Variants in HS3ST4 observed in about 807,000 individuals in gnomAD.
HS3ST4 encodes heparan sulfate-glucosamine 3-sulfotransferase 4, also known as heparan sulfate glucosamine 3-O-sulfotransferase 4.
In HS3ST4, 17 loss-of-function variants were observed where a neutral mutation model predicts 29.2. The observed-to-expected ratio is 0.58, with a 90% CI of 0.40 to 0.87. The LOEUF (loss-of-function observed/expected upper bound fraction) is 0.87. Ranked by LOEUF, HS3ST4 falls within the 40% of genes least tolerant of loss-of-function variation. The pLI, the probability that HS3ST4 is intolerant of heterozygous loss-of-function variation, is 0.00. For missense variants in HS3ST4, 627 were observed against 634.5 expected (o/e 0.99, Z 0.13); for synonymous variants, 314 against 285.7 (o/e 1.10, Z -1.00).
chr16:25,949,871 G>A (rs1029902320), intron 1 of HS3ST4, among the ~76,000 whole-genome samples: 13 of 152,098 alleles, frequency 8.5e-5, no homozygotes, highest in African/African-American at 3.1e-4. Flanking sequence ...CAAGGACAGA[G>A]CCCCAAGGGA....
chr16:26,072,563 C>T (rs1481892232), intron 1 of HS3ST4, among the ~76,000 whole-genome samples: 2 of 152,128 alleles, frequency 1.3e-5, no homozygotes, highest in African/African-American at 4.8e-5. Context: ...AGTGCAGTGG[C>T]TAAAGGTGTG....
intron 1 of HS3ST4, among the ~76,000 whole-genome samples, chr16:25,831,374 C>A (rs1157809644): frequency 6.8e-6 from 1 of 147,168 alleles, no homozygotes; most frequent in East Asian, 2.0e-4. Context: ...CCAGCCTGGG[C>A]AACATAATGA....
At chr16:26,112,399 T>TTTG (rs1899144383) in intron 1 of HS3ST4, among the ~76,000 whole-genome samples, 1 of 143,140 alleles carries the variant, frequency 7.0e-6, no homozygotes, top group Non-Finnish European at 1.5e-5. Context: ...TTTTTTTTTT[T>TTTG]TGAGACGGAA....
intron 1 of HS3ST4, among the ~76,000 whole-genome samples, chr16:25,815,545 A>G (rs369992213): frequency 3.9e-5 from 6 of 152,118 alleles, no homozygotes; most frequent in African/African-American, 1.4e-4. Context: ...GCTAGTCTCG[A>G]ACTCCTGACC....
intron 1 of HS3ST4, among the ~76,000 whole-genome samples, chr16:25,920,597 C>G (rs1222139712): frequency 2.4e-5 from 2 of 83,868 alleles, no homozygotes; most frequent in East Asian, 1.1e-3. Flanking sequence ...CTCACTGCCG[C>G]CCCCACCCCT....
At chr16:25,821,357 T>C (rs1967154185) in intron 1 of HS3ST4, among the ~76,000 whole-genome samples, 1 of 152,168 alleles carries the variant, frequency 6.6e-6, no homozygotes, top group Admixed American at 6.5e-5. Context: ...CTGTTATCAC[T>C]CATTTGATTA....
chr16:25,991,151 C>T (rs1969110316), intron 1 of HS3ST4, among the ~76,000 whole-genome samples: 1 of 152,036 alleles, frequency 6.6e-6, no homozygotes, highest in Non-Finnish European at 1.5e-5. Flanking sequence ...CTCTTATCAT[C>T]AATAACATTG....
At chr16:25,711,060 C>T (rs919523892) in intron 1 of HS3ST4, among the ~76,000 whole-genome samples, 17 of 151,748 alleles carry the variant, frequency 1.1e-4, no homozygotes, top group Admixed American at 6.6e-4. Flanking sequence ...TGGCCTCAAG[C>T]GATCTTCTTG....
intron 1 of HS3ST4, among the ~76,000 whole-genome samples, chr16:25,881,514 A>G (rs980950258): frequency 7.2e-5 from 11 of 152,176 alleles, no homozygotes; most frequent in African/African-American, 2.4e-4. Context: ...GGATGCTTGG[A>G]TAGACATTCA....
At chr16:25,931,917 AG>A (rs138629604) in intron 1 of HS3ST4, among the ~76,000 whole-genome samples, 6,156 of 152,228 alleles carry the variant, frequency 0.04, 358 homozygotes, top group East Asian at 0.27. Flanking sequence ...TCCAAAAGGC[AG>A]CTTGTGGGGG....
intron 1 of HS3ST4, among the ~76,000 whole-genome samples, chr16:26,067,730 C>T (rs762942780): frequency 7.2e-5 from 11 of 152,142 alleles, no homozygotes; most frequent in Non-Finnish European, 1.2e-4. Flanking sequence ...ACTGTAGCTC[C>T]CATAATTCCC....
intron 1 of HS3ST4, among the ~76,000 whole-genome samples, chr16:26,124,855 G>A (rs914067262): frequency 1.4e-4 from 21 of 152,220 alleles, no homozygotes; most frequent in South Asian, 4.1e-4. Context: ...CCTTTGAAAA[G>A]CTATGAGCCA....
chr16:25,897,280 C>A (rs1031887629), intron 1 of HS3ST4, among the ~76,000 whole-genome samples: 6 of 152,148 alleles, frequency 3.9e-5, no homozygotes, highest in Admixed American at 3.3e-4. Flanking sequence ...ACGGTAAAGC[C>A]CCATCTCCAC....
At chr16:25,943,364 T>G (rs1201158154) in intron 1 of HS3ST4, among the ~76,000 whole-genome samples, 1 of 152,162 alleles carries the variant, frequency 6.6e-6, no homozygotes, top group Non-Finnish European at 1.5e-5. Flanking sequence ...CAGTGGTAAG[T>G]GCAGGTTACA....
chr16:26,087,965 T>C (rs970704739), intron 1 of HS3ST4, among the ~76,000 whole-genome samples: 2 of 152,158 alleles, frequency 1.3e-5, no homozygotes, highest in African/African-American at 4.8e-5. Context: ...AAAAACAAAA[T>C]AGTTTTGATT....
At chr16:26,093,399 T>A (rs1898882074) in intron 1 of HS3ST4, among the ~76,000 whole-genome samples, 1 of 152,136 alleles carries the variant, frequency 6.6e-6, no homozygotes, top group Non-Finnish European at 1.5e-5. Context: ...AGAGGAAGGA[T>A]GAGGCAGCAA....
chr16:26,014,942 A>T lies in HS3ST4; in HGVS notation c.735-120670A>T, dbSNP rs568630538. Among the ~76,000 whole-genome samples the T allele has an allele frequency of 4.6e-5, 7 of 152,350 alleles. No individual in the cohort carries two copies. In the South Asian group the frequency reaches 1.2e-3, roughly 27 times the overall value. On this transcript the variant is annotated intron_variant, in intron 1 of 1. Coordinates refer to ENST00000331351, the MANE Select transcript of HS3ST4 (RefSeq NM_006040.3). ...AAATATTTAGAGACTTCTTCTGGCT[A>T]ATATGGTGAACTAGAGCTAATTGAA...
At chr16:25,846,859 C>G (rs1967471816) in intron 1 of HS3ST4, among the ~76,000 whole-genome samples, 1 of 152,120 alleles carries the variant, frequency 6.6e-6, no homozygotes, top group Non-Finnish European at 1.5e-5. Flanking sequence ...CGCATGTGCA[C>G]TGCATGATCT....
chr16:25,818,894 G>C (rs1967120913), intron 1 of HS3ST4, among the ~76,000 whole-genome samples: 1 of 152,050 alleles, frequency 6.6e-6, no homozygotes, highest in South Asian at 2.1e-4. Context: ...TTCAGAGATA[G>C]AGACAGAGAG....
Sources: gnomAD v4.1 joint callset for allele counts (sites outside exome capture counted in the v4.1 genomes callset) on GRCh38, gnomAD v4.1.1 for gene constraint, MANE v1.5 for transcripts, NCBI Gene and HGNC (gene_info 2026-07-23, HGNC 2026-07-21) for gene names.